Variants in MAP2K4 observed in about 807,000 individuals in gnomAD.
The protein encoded by MAP2K4 is mitogen-activated protein kinase kinase 4.
A neutral mutation model predicts 48.5 loss-of-function variants in MAP2K4; 4 were observed. The observed-to-expected ratio is 0.08, with a 90% confidence interval of 0.04 to 0.19. The LOEUF is 0.19. MAP2K4 is among the 10% of genes least tolerant of loss of function. The pLI is 1.00. For synonymous variants in MAP2K4, 166 were observed against 173.1 expected, an observed-to-expected ratio of 0.96 and a Z score of 0.32; for missense variants, 258 against 493.3, an observed-to-expected ratio of 0.52 and a Z score of 4.52.
intron 3 of MAP2K4, among the ~76,000 whole-genome samples, chr17:12,091,122 T>C (rs970349742): frequency 6.6e-6 from 1 of 152,208 alleles, no homozygotes; most frequent in African/African-American, 2.4e-5. Context: ...ATTTACATTG[T>C]TCTTCAGTAT....
chr17:12,090,819 T>C (rs1971538300), intron 3 of MAP2K4, among the ~76,000 whole-genome samples: 1 of 152,206 alleles, frequency 6.6e-6, no homozygotes, highest in African/African-American at 2.4e-5. Flanking sequence ...CATCCTCTTA[T>C]TTGCTTCTTT....
At chr17:12,095,804 T>C in intron 4 of MAP2K4, 110 bp downstream of exon 4, 1 of 1,245,772 alleles carries the variant, frequency 8.0e-7, no homozygotes, top group Non-Finnish European at 1.1e-6. Context: ...TAAGTTAATA[T>C]CTCAGTATCT....
At chr17:12,131,719 G>C (rs879583664) in intron 9 of MAP2K4, among the ~76,000 whole-genome samples, 11 of 152,022 alleles carry the variant, frequency 7.2e-5, no homozygotes, top group Admixed American at 7.2e-4. Flanking sequence ...CTAAGAGAAA[G>C]ATTGATTAAA....
chr17:12,069,904 TA>T (rs1970736921), intron 2 of MAP2K4: 2 of 15,438 alleles, frequency 1.3e-4, no homozygotes, highest in Non-Finnish European at 2.2e-4. Context: ...TATATATATA[TA>T]TATATATATA....
intron 2 of MAP2K4, among the ~76,000 whole-genome samples, chr17:12,078,046 G>A (rs192577873): frequency 8.7e-4 from 133 of 152,304 alleles, no homozygotes; most frequent in Middle Eastern, 6.8e-3. Flanking sequence ...CCTGTCTTCA[G>A]TACAGTCACA....
At chr17:12,113,586 C>T (rs932692769) in intron 7 of MAP2K4, among the ~76,000 whole-genome samples, 5 of 152,194 alleles carry the variant, frequency 3.3e-5, no homozygotes, top group Non-Finnish European at 7.3e-5. Context: ...TGGTATTTAG[C>T]AGTTGTGGTC....
At chr17:12,024,963 A>G (rs1261444703) in intron 1 of MAP2K4, among the ~76,000 whole-genome samples, 2 of 152,180 alleles carry the variant, frequency 1.3e-5, no homozygotes, top group South Asian at 2.1e-4. Flanking sequence ...AAATAGTACT[A>G]GATAGTATGG....
chr17:12,132,438 C>T (rs1461622849), intron 9 of MAP2K4, among the ~76,000 whole-genome samples: 1 of 152,048 alleles, frequency 6.6e-6, no homozygotes, highest in Non-Finnish European at 1.5e-5. Context: ...GTAAATCTCA[C>T]GAATGATGTT....
intron 2 of MAP2K4, among the ~76,000 whole-genome samples, chr17:12,055,406 C>A (rs1970254150): frequency 6.6e-6 from 1 of 151,982 alleles, no homozygotes; most frequent in Admixed American, 6.6e-5. Flanking sequence ...TAAAGCAATA[C>A]CTTCAGAACA....
intron 1 of MAP2K4, among the ~76,000 whole-genome samples, chr17:12,040,040 G>A (rs1969728293): frequency 6.6e-6 from 1 of 152,130 alleles, no homozygotes; most frequent in Non-Finnish European, 1.5e-5. Context: ...CAGGTGTGTT[G>A]TTGTATCACA....
chr17:12,043,525 G>T (rs566495648), intron 1 of MAP2K4, among the ~76,000 whole-genome samples: 30 of 152,116 alleles, frequency 2.0e-4, no homozygotes, highest in African/African-American at 7.0e-4. Flanking sequence ...ACTCCTGCTT[G>T]GATGACTTCA....
At chr17:12,080,824 A>T (rs559599274) in intron 2 of MAP2K4, among the ~76,000 whole-genome samples, 1 of 152,182 alleles carries the variant, frequency 6.6e-6, no homozygotes, top group Admixed American at 6.5e-5. Flanking sequence ...TGTAATTGCT[A>T]TGGGACGATA....
rs181365263 is a variant in MAP2K4, at chr17:12,109,954, C to A, written c.634-421C>A. 5.8e-3 allele frequency among the ~76,000 whole-genome samples: 883 copies of A among 151,984 alleles called. 1 individual carries two copies. The highest frequency in any genetic ancestry group is 9.5e-3 in the South Asian group (46 of 4,818). The stretch of plus-strand genomic sequence containing the variant: ...ATCAGCTTGGGCAACATAGTGAGAA[C>A]CCTGTCCATACTAAAGATGTAAAAA... On this transcript the variant is annotated intron_variant, in intron 5 of 10. Transcript: ENST00000353533.
At chr17:12,094,660 A>G (rs1396143686) in intron 3 of MAP2K4, among the ~76,000 whole-genome samples, 5 of 152,114 alleles carry the variant, frequency 3.3e-5, no homozygotes. Context: ...ATTTCTGAAC[A>G]TGATTCTTTC....
In MAP2K4 at chr17:12,113,376, A is replaced by T. The variant is rs1444054446; in HGVS notation, c.813+16A>T. ...ATACATGGCAGTAAGTGTTAAGTCCAGGCCTTCTTGCTTGATAGTCATTGC... is the reference window on the plus strand; with the variant it reads ...ATACATGGCAGTAAGTGTTAAGTCCTGGCCTTCTTGCTTGATAGTCATTGC... On this transcript the variant is annotated intron_variant, in intron 7 of 10. Transcript: ENST00000353533. The T allele has an allele frequency of 5.0e-6, 8 of 1,611,440 alleles. No individual in the cohort carries two copies. In the South Asian group the frequency reaches 8.8e-5, roughly 18 times the overall value.
In MAP2K4 at chr17:12,026,080, T is replaced by C. The variant is rs1969242065; in HGVS notation, c.115+5079T>C. On this transcript the variant is annotated intron_variant, in intron 1 of 10. Coordinates refer to ENST00000353533, the MANE Select transcript of MAP2K4 (RefSeq NM_003010.4). ...AAAGCTCAGACTGCATTTCTTCTTA[T>C]GTTCCCTTAAAAATTAGAGCAACCC... Among the ~76,000 whole-genome samples the C allele has an allele frequency of 1.3e-5, 2 of 152,332 alleles. 1 individual carries two copies. The highest frequency in any genetic ancestry group is 4.1e-4 in the South Asian group (2 of 4,828).
intron 2 of MAP2K4, among the ~76,000 whole-genome samples, chr17:12,076,586 C>T (rs1313814001): frequency 6.6e-6 from 1 of 152,116 alleles, no homozygotes; most frequent in Non-Finnish European, 1.5e-5. Context: ...TTGAGTTGTA[C>T]TTTTAATAAG....
chr17:12,045,570 A>G (rs1052052151), intron 1 of MAP2K4, among the ~76,000 whole-genome samples: 11 of 152,244 alleles, frequency 7.2e-5, no homozygotes, highest in African/African-American at 1.7e-4. Flanking sequence ...TTATTCCATT[A>G]GTAAGATTGC....
At chr17:12,072,895 T>C (rs1344065339) in intron 2 of MAP2K4, among the ~76,000 whole-genome samples, 2 of 152,318 alleles carry the variant, frequency 1.3e-5, no homozygotes, top group East Asian at 3.9e-4. Context: ...AAAACACAAC[T>C]CACATAGTAT....
Sources: gnomAD v4.1 joint callset for allele counts (sites outside exome capture counted in the v4.1 genomes callset) on GRCh38, gnomAD v4.1.1 for gene constraint, MANE v1.5 for transcripts, NCBI Gene and HGNC (gene_info 2026-07-23, HGNC 2026-07-21) for gene names.